The following SF3A2 variants were observed in gnomAD, a reference collection of about 807,000 sequenced individuals.
SF3A2 encodes the protein SAP 62.
A neutral mutation model predicts 31.1 loss-of-function variants in SF3A2; 5 were observed. The ratio of observed to expected loss-of-function variants is 0.16; its 90% confidence interval spans 0.08 to 0.34. SF3A2 has a LOEUF of 0.34. SF3A2 is among the 10% of genes least tolerant of loss of function. The pLI is 1.00. For missense variants in SF3A2, 577 were observed against 643.9 expected (o/e 0.90, Z 1.13); for synonymous variants, 365 against 263.7 (o/e 1.38, Z -3.72).
At chr19:2,240,951 G>T (rs541273488) in intron 1 of SF3A2, among the ~76,000 whole-genome samples, 6 of 152,158 alleles carry the variant, frequency 3.9e-5, no homozygotes, top group African/African-American at 9.7e-5. Context: ...TGGGTCCTCC[G>T]CAGACACGTC....
chr19:2,239,944 TGTC>T (rs1200103889), intron 1 of SF3A2, among the ~76,000 whole-genome samples: 1 of 152,070 alleles, frequency 6.6e-6, no homozygotes, highest in Non-Finnish European at 1.5e-5. Flanking sequence ...TGAAGGAGGG[TGTC>T]AGCGATCTCT....
chr19:2,244,806 C>A, intron 4 of SF3A2, 27 bp downstream of exon 4: 1 of 1,607,530 alleles, frequency 6.2e-7, no homozygotes, highest in East Asian at 2.2e-5. Flanking sequence ...CCTTTGATGC[C>A]TGGTGCTCCA....
In SF3A2 at chr19:2,246,812, G is replaced by A. The variant is rs764736762; in HGVS notation, c.405+10G>A. 1 of 1,613,914 alleles carries A rather than the reference G, an allele frequency of 6.2e-7. No homozygotes were observed. Among genetic ancestry groups the A allele is most frequent in the South Asian group, 1.1e-5 (1 of 91,090 alleles). The stretch of plus-strand genomic sequence containing the variant: ...GAGCCTCCTCTTCCAGGTGAGATCA[G>A]GGACTTGGGCGTGGGGGGCGGCCAA... On this transcript the variant is annotated intron_variant, in intron 6 of 8. Coordinates refer to ENST00000221494, the MANE Select transcript of SF3A2 (RefSeq NM_007165.5). This position sits in a 1 kb window ranked among gnomAD's most constrained non-coding sequence, Gnocchi z 5.5.
Position 2,246,724 on chromosome 19 carries a change from C to G in SF3A2, c.356-29C>G. 6.2e-7 allele frequency: 1 copy of G among 1,613,684 alleles called. No individual in the cohort carries two copies. The highest frequency in any genetic ancestry group is 8.5e-7 in the Non-Finnish European group (1 of 1,179,854). On this transcript the variant is annotated intron_variant, in intron 5 of 8. Coordinates refer to ENST00000221494, the MANE Select transcript of SF3A2 (RefSeq NM_007165.5). This position sits in a 1 kb window ranked among gnomAD's most constrained non-coding sequence, Gnocchi z 5.5. ...CCTCAGCTTCGGAGAGGACAAGCAGCCGGGACCTGAGAGCTTTCTGTGTTG... is the reference window on the plus strand; with the variant it reads ...CCTCAGCTTCGGAGAGGACAAGCAGGCGGGACCTGAGAGCTTTCTGTGTTG...
intron 2 of SF3A2, among the ~76,000 whole-genome samples, chr19:2,244,076 A>T (rs756112122): frequency 2.6e-5 from 4 of 152,122 alleles, no homozygotes; most frequent in Non-Finnish European, 4.4e-5. Flanking sequence ...CTGAGACGAG[A>T]TGTGTGCGCC....
intron 7 of SF3A2, 106 bp downstream of exon 7, chr19:2,247,128 G>GC (rs59758246): frequency 7.6e-4 from 870 of 1,150,710 alleles, no homozygotes; most frequent in Admixed American, 2.3e-3. Flanking sequence ...GGTCCCCTGG[G>GC]CCCCCCCCAA....
chr19:2,246,679 G>A lies in SF3A2; in HGVS notation c.356-74G>A. On this transcript the variant is annotated intron_variant, in intron 5 of 8. Transcript: ENST00000221494. This position sits in a 1 kb window ranked among gnomAD's most constrained non-coding sequence, Gnocchi z 5.5. ...GGGTCCCGCTCTCGTTCAGTGGGTG[G>A]CATTAGCCTGCCCCAGGTTCCTCAG... 1.3e-6 allele frequency: 2 copies of A among 1,575,156 alleles called. No homozygotes were observed. The highest frequency in any genetic ancestry group is 1.7e-6 in the Non-Finnish European group (2 of 1,148,744).
Position 2,246,634 on chromosome 19 carries a change from G to A in SF3A2, c.356-119G>A. On this transcript the variant is annotated intron_variant, in intron 5 of 8. Transcript: ENST00000221494. The surrounding 1 kb of genome is among the most constrained non-coding windows in gnomAD (Gnocchi z 5.5). ...GGCGGAGATTGTCTAATGGTTGCCA[G>A]AGCTGCAGGGCCTCCCCCGGGGTCC... 8.7e-7 allele frequency: 1 copy of A among 1,146,146 alleles called. No individual in the cohort carries two copies. The highest frequency in any genetic ancestry group is 1.4e-5 in the South Asian group (1 of 73,810). 71.0% of individuals were successfully genotyped at this position (1,146,146 alleles called of 1,614,324 possible).
chr19:2,243,643 C>G, intron 2 of SF3A2, 99 bp downstream of exon 2: 2 of 1,332,966 alleles, frequency 1.5e-6, no homozygotes, highest in African/African-American at 1.5e-5. Context: ...TCCGCCCAGG[C>G]TGGGCGATGC....
At position 2,246,709 on chromosome 19, in the gene SF3A2, G is replaced by C. The variant is rs764550512; in HGVS notation, c.356-44G>C. 3.1e-6 allele frequency: 5 copies of C among 1,612,736 alleles called. No individual in the cohort carries two copies. In the African/African-American group the frequency reaches 6.7e-5, roughly 22 times the overall value. On this transcript the variant is annotated intron_variant, in intron 5 of 8. Transcript: ENST00000221494. The surrounding 1 kb of genome is among the most constrained non-coding windows in gnomAD (Gnocchi z 5.5). ...AGCCTGCCCCAGGTTCCTCAGCTTC[G>C]GAGAGGACAAGCAGCCGGGACCTGA...
rs765287128 is a variant in SF3A2 at position 2,247,858 on chromosome 19, C to A, written c.707C>A (p.Pro236Gln). 6.6e-7 allele frequency: 1 copy of A among 1,519,850 alleles called. No homozygotes were observed. The highest frequency in any genetic ancestry group is 9.1e-7 in the Non-Finnish European group (1 of 1,102,734). The allele number at this position is 1,519,850 out of a possible 1,614,324, so 94.1% of individuals were successfully genotyped here. A position where few individuals can be genotyped will look rare whatever the true frequency, so the allele number is the denominator to read the frequency against. ...GPPGVKRPPP[P>Q]LMNGLPPRPP... is the part of the protein sequence containing the mutation. The stretch of plus-strand genomic sequence containing the variant: ...CCTGGGGTGAAGCGGCCTCCACCCC[C>A]GCTGATGAACGGTCTGCCCCCTCGG... The change falls in exon 9 of 9, where the codon CCG (proline) becomes CAG (glutamine). Residue 236 changes from proline (P) to glutamine (Q), a missense_variant. Coordinates refer to ENST00000221494, the MANE Select transcript of SF3A2 (RefSeq NM_007165.5).
intron 1 of SF3A2, chr19:2,237,516 G>A (rs2024840074): frequency 6.6e-6 from 1 of 152,154 alleles, no homozygotes; most frequent in Non-Finnish European, 1.5e-5. Flanking sequence ...CCAGGAGGTC[G>A]AGGCTGCAGT....
In SF3A2 at chr19:2,244,620, G is replaced by A. The variant is rs201564800; in HGVS notation, c.198+5G>A. 1.4e-5 allele frequency: 22 copies of A among 1,613,866 alleles called. No homozygotes were observed. The highest frequency in any genetic ancestry group is 1.1e-4 in the East Asian group (5 of 44,886). ...CTGACACTTCACAACAATGAGGTGC[G>A]GCCTCTGCCTGGCTCCGGGCGGCTC... On this transcript the variant is annotated splice_donor_5th_base_variant and intron_variant, in intron 3 of 8. Transcript: ENST00000221494.
rs1375491666 is a variant in SF3A2 at position 2,243,520 on chromosome 19, C to T, written c.102C>T (p.Ala34=). 4 of 1,552,258 alleles carry T rather than the reference C, an allele frequency of 2.6e-6. No homozygotes were observed. Among genetic ancestry groups the T allele is most frequent in the Non-Finnish European group, 2.6e-6 (3 of 1,156,918 alleles). Residue 34 remains alanine, a synonymous_variant, in exon 2 of 9, where the codon GCC becomes GCT. Transcript: ENST00000221494. Reference sequence around the variant, plus strand: ...GCAGGGAGCGCCTCCGGCAGCTGGCCCTGGAGACCATCGACATCAACAAGG... The same window carrying T: ...GCAGGGAGCGCCTCCGGCAGCTGGCTCTGGAGACCATCGACATCAACAAGG... The part of the protein sequence containing the change: ...RDRRERLRQL[A]LETIDINKDP...
At position 2,248,611 on chromosome 19, in the gene SF3A2, G is replaced by A. The variant is rs2024970645; in HGVS notation, c.*65G>A. On this transcript the variant is annotated 3_prime_UTR_variant, in exon 9 of 9. Coordinates refer to ENST00000221494, the MANE Select transcript of SF3A2 (RefSeq NM_007165.5). The stretch of plus-strand genomic sequence containing the variant: ...TCTTGCCTTTTCCCACTGAGAGAAG[G>A]CTGCTCTTTTGTACTGCCCCCCGCT... 2 of 446,496 alleles carry A rather than the reference G, an allele frequency of 4.5e-6. No individual in the cohort carries two copies. The highest frequency in any genetic ancestry group is 7.1e-5 in the East Asian group (2 of 28,308). 27.7% of individuals were successfully genotyped at this position (446,496 alleles called of 1,614,324 possible). A position where few individuals can be genotyped will look rare whatever the true frequency, so the allele number is the denominator to read the frequency against.
rs146189137 is a variant in SF3A2 at position 2,245,536 on chromosome 19, C to T, written c.336C>T (p.Ile112=). 5.9e-5 allele frequency: 92 copies of T among 1,550,724 alleles called. No homozygotes were observed. Among genetic ancestry groups the T allele is most frequent in the Non-Finnish European group, 7.6e-5 (87 of 1,146,730 alleles). Reference sequence around the variant, plus strand: ...TGGAGGTGAAGAAGTTTGTGAAGATCGGCCGCCCGGGCTACAAAGGTGAGT... The same window carrying T: ...TGGAGGTGAAGAAGTTTGTGAAGATTGGCCGCCCGGGCTACAAAGGTGAGT... The part of the protein sequence containing the change: ...VKVEVKKFVK[I]GRPGYKVTKQ... The change falls in exon 5 of 9, where the codon ATC becomes ATT. Residue 112 remains isoleucine, a synonymous_variant. Coordinates refer to ENST00000221494, the MANE Select transcript of SF3A2 (RefSeq NM_007165.5). The surrounding 1 kb of genome is among the most constrained non-coding windows in gnomAD (Gnocchi z 4.2).
rs1490058975 is a variant in SF3A2, at chr19:2,248,037, C to A, written c.886C>A (p.Pro296Thr). ...CCACCCCCCGGCCCCAGTGGTGCAT[C>A]CCCCTGCATCTGGGGTCCATCCCCC... ...GVHPPAPVVHPPASGVHPPAP... is the reference protein window; with the variant it reads ...GVHPPAPVVHTPASGVHPPAP... Residue 296 changes from proline to threonine, a missense_variant, in exon 9 of 9, where the codon CCC becomes ACC. By Grantham distance (38) the Pro-to-Thr change is conservative. Around this residue, in one of 6 missense-constraint regions of SF3A2, gnomAD observed 462 missense variants for 339.1 expected, o/e 1.36. Transcript: ENST00000221494. 1.1e-5 allele frequency: 11 copies of A among 960,234 alleles called. No homozygotes were observed. The highest frequency in any genetic ancestry group is 1.6e-5 in the African/African-American group (1 of 61,378). 59.5% of individuals were successfully genotyped at this position (960,234 alleles called of 1,614,324 possible).
intron 2 of SF3A2, 37 bp downstream of exon 2, chr19:2,243,581 C>G: frequency 1.3e-6 from 2 of 1,513,136 alleles, no homozygotes; most frequent in Non-Finnish European, 1.8e-6. Flanking sequence ...GTGGTGGGTG[C>G]TGGGCTTTCC....
rs2024933575 is a variant in SF3A2 at position 2,246,424 on chromosome 19, G to A, written c.356-329G>A. Among the ~76,000 whole-genome samples the A allele has an allele frequency of 1.3e-5, 2 of 152,140 alleles. No individual in the cohort carries two copies. The highest frequency in any genetic ancestry group is 1.3e-4 in the Admixed American group (2 of 15,280). ...GCCCCGCTCGAATCCCAGAGCCAGG[G>A]TGCCGAGGGCCCCTCCCTACCCAGT... On this transcript the variant is annotated intron_variant, in intron 5 of 8. Coordinates refer to ENST00000221494, the MANE Select transcript of SF3A2 (RefSeq NM_007165.5). The surrounding 1 kb of genome is among the most constrained non-coding windows in gnomAD (Gnocchi z 5.5).
Sources: allele counts gnomAD v4.1 joint callset (sites outside exome capture counted in the v4.1 genomes callset), GRCh38; gene constraint gnomAD v4.1.1; regional missense constraint gnomAD v4.1.1; non-coding constraint Gnocchi (gnomAD v3.1); transcripts MANE v1.5; gene names NCBI Gene and HGNC (gene_info 2026-07-23, HGNC 2026-07-21).